Variants in CYB5R4 observed in about 807,000 individuals in gnomAD.
CYB5R4 encodes cytochrome b5 reductase 4.
CYB5R4 carries 55 observed loss-of-function variants against 70.2 expected under a neutral mutation model. The observed-to-expected ratio is 0.78, with a 90% CI of 0.63 to 0.98. CYB5R4 has a LOEUF of 0.98. Ranked by LOEUF, CYB5R4 falls within the 50% of genes least tolerant of loss-of-function variation. CYB5R4 has a pLI of 0.00. For missense variants in CYB5R4, 562 were observed against 612.6 expected (o/e 0.92, Z 0.87); for synonymous variants, 197 against 199.5 (o/e 0.99, Z 0.11).
chr6:83,927,618 A>C (rs1261802983), intron 10 of CYB5R4, among the ~76,000 whole-genome samples: 1 of 152,234 alleles, frequency 6.6e-6, no homozygotes, highest in Non-Finnish European at 1.5e-5. Flanking sequence ...AGGAATACAT[A>C]GGGAAAATAT....
rs77226522 is a variant in CYB5R4, at chr6:83,882,293, G to A, written c.230-11229G>A. On this transcript the variant is annotated intron_variant, in intron 2 of 15. Coordinates refer to ENST00000369681, the MANE Select transcript of CYB5R4 (RefSeq NM_016230.4). ...GAATAACTAGATGTCAGAAGTTGGG[G>A]CATCTGCGGTAACTGGAAGGGGAGA... Among the ~76,000 whole-genome samples the A allele has an allele frequency of 1.7e-4, 26 of 152,252 alleles. No homozygotes were observed. In the East Asian group the frequency reaches 3.5e-3, roughly 20 times the overall value.
chr6:83,919,365 T>C, intron 6 of CYB5R4, 32 bp from the exon 7 acceptor site: 2 of 1,214,880 alleles, frequency 1.6e-6, no homozygotes, highest in Non-Finnish European at 2.3e-6. Flanking sequence ...ATTGTCAATA[T>C]AATTATTCAT....
chr6:83,908,663 G>A (rs12208154), intron 3 of CYB5R4, among the ~76,000 whole-genome samples: 2 of 151,980 alleles, frequency 1.3e-5, no homozygotes, highest in Admixed American at 6.6e-5. Context: ...CAAGATACTA[G>A]CAGTTTTACC....
At chr6:83,941,447 A>G (rs529294004) in intron 14 of CYB5R4, among the ~76,000 whole-genome samples, 57 of 152,298 alleles carry the variant, frequency 3.7e-4, no homozygotes, top group African/African-American at 1.2e-3. Context: ...AAATTACACA[A>G]AAGATCTGAA....
At chr6:83,925,314 A>G (rs1407524470) in intron 10 of CYB5R4, among the ~76,000 whole-genome samples, 4 of 152,056 alleles carry the variant, frequency 2.6e-5, no homozygotes, top group African/African-American at 9.7e-5. Flanking sequence ...GGGTGGTCCT[A>G]AACCATTCAT....
chr6:83,887,327 C>A (rs1388703202), intron 2 of CYB5R4, among the ~76,000 whole-genome samples: 1 of 152,100 alleles, frequency 6.6e-6, no homozygotes, highest in Non-Finnish European at 1.5e-5. Context: ...GACTATCATT[C>A]TGTGATTTTG....
intron 14 of CYB5R4, among the ~76,000 whole-genome samples, chr6:83,948,055 A>G (rs2099470915): frequency 6.6e-6 from 1 of 152,220 alleles, no homozygotes; most frequent in Admixed American, 6.5e-5. Context: ...ATTCTACTGT[A>G]AAGATACATG....
intron 14 of CYB5R4, among the ~76,000 whole-genome samples, chr6:83,946,468 T>C (rs967804838): frequency 1.2e-4 from 19 of 152,208 alleles, no homozygotes; most frequent in African/African-American, 4.6e-4. Context: ...GATATCATGC[T>C]GAATGGGCAA....
chr6:83,874,229 C>A (rs1352386359), intron 2 of CYB5R4, among the ~76,000 whole-genome samples: 1 of 143,264 alleles, frequency 7.0e-6, no homozygotes, highest in East Asian at 2.1e-4. Flanking sequence ...CTCATTCTGT[C>A]ACCCAGACTA....
chr6:83,885,895 C>T (rs2099460178), intron 2 of CYB5R4, among the ~76,000 whole-genome samples: 1 of 152,048 alleles, frequency 6.6e-6, no homozygotes, highest in Non-Finnish European at 1.5e-5. Flanking sequence ...TGTATATACT[C>T]AAGAGAAACG....
At chr6:83,902,812 G>C (rs938077397) in intron 3 of CYB5R4, among the ~76,000 whole-genome samples, 1 of 151,920 alleles carries the variant, frequency 6.6e-6, no homozygotes, top group African/African-American at 2.4e-5. Context: ...TTGTCTTCTT[G>C]ATTTCTTTTT....
At chr6:83,924,346 C>T (rs2099466928) in intron 9 of CYB5R4, 124 bp from the exon 10 acceptor site, 9 of 852,366 alleles carry the variant, frequency 1.1e-5, no homozygotes, top group South Asian at 7.5e-5. Context: ...CTTATTTATC[C>T]CACTAATAAT....
intron 14 of CYB5R4, among the ~76,000 whole-genome samples, chr6:83,944,632 C>A (rs1048743284): frequency 1.3e-5 from 2 of 152,092 alleles, no homozygotes; most frequent in Admixed American, 1.3e-4. Context: ...TGAAAAGGTA[C>A]AGTCTGGCAA....
chr6:83,872,144 A>G (rs61761490), intron 2 of CYB5R4, among the ~76,000 whole-genome samples: 6,268 of 152,176 alleles, frequency 0.041, 438 homozygotes, highest in African/African-American at 0.14. Flanking sequence ...GATAGTGGCA[A>G]TTTTTACTCC....
rs567450927 is a variant in CYB5R4, at chr6:83,898,929, C to T, written c.330+5307C>T. On this transcript the variant is annotated intron_variant, in intron 3 of 15. Coordinates refer to ENST00000369681, the MANE Select transcript of CYB5R4 (RefSeq NM_016230.4). ...CTGCAAACAGGGACAATTTGACTTC[C>T]TCTTTTCCTAATTGAATACCCTTTA... Among the ~76,000 whole-genome samples the T allele has an allele frequency of 7.9e-3, 1,206 of 152,254 alleles. 14 individuals are homozygous for T. Among genetic ancestry groups the T allele is most frequent in the African/African-American group, 0.027 (1,130 of 41,530 alleles).
intron 14 of CYB5R4, among the ~76,000 whole-genome samples, chr6:83,947,521 C>A (rs2129144427): frequency 1.3e-5 from 2 of 152,294 alleles, no homozygotes; most frequent in South Asian, 4.1e-4. Context: ...ACTCCAAAAG[C>A]AATTGCAACA....
chr6:83,895,609 A>G (rs1319736295), intron 3 of CYB5R4, among the ~76,000 whole-genome samples: 3 of 152,328 alleles, frequency 2.0e-5, no homozygotes, highest in Middle Eastern at 3.4e-3. Flanking sequence ...AATTTCCAAT[A>G]AAGTCTAGTC....
At position 83,961,165 on chromosome 6, in the gene CYB5R4, G is replaced by T. The variant is rs1355980042; in HGVS notation, c.*1287G>T. The T allele has an allele frequency of 6.6e-6, 1 of 152,132 alleles. No individual in the cohort carries two copies. The highest frequency in any genetic ancestry group is 1.5e-5 in the Non-Finnish European group (1 of 68,038). The allele number at this position is 152,132 out of a possible 1,614,324, so 9.4% of individuals were successfully genotyped here. A position where few individuals can be genotyped will look rare whatever the true frequency, so the allele number is the denominator to read the frequency against. On this transcript the variant is annotated 3_prime_UTR_variant, in exon 16 of 16. Coordinates refer to ENST00000369681, the MANE Select transcript of CYB5R4 (RefSeq NM_016230.4). ...GAAGCTTCCTATGTGCAAATGGCTG[G>T]TTGAACACTATCACTTTTTCCTGTG...
At chr6:83,936,499 A>G in intron 12 of CYB5R4, 123 bp downstream of exon 12, 3 of 797,060 alleles carry the variant, frequency 3.8e-6, no homozygotes, top group South Asian at 3.5e-5. Context: ...AACCAAAGTT[A>G]TCTTCTCCTT....
Sources: gnomAD v4.1 joint callset for allele counts (sites outside exome capture counted in the v4.1 genomes callset) on GRCh38, gnomAD v4.1.1 for gene constraint, MANE v1.5 for transcripts, NCBI Gene and HGNC (gene_info 2026-07-23, HGNC 2026-07-21) for gene names.